Variants in DGKB observed in about 807,000 individuals in gnomAD.
The protein encoded by DGKB is diacylglycerol kinase beta.
Under a neutral mutation model 114.3 loss-of-function variants are expected in DGKB, and 67 were observed. That is an observed-to-expected ratio of 0.59 (90% CI 0.48 to 0.72). The LOEUF is 0.72. DGKB is among the 30% of genes least tolerant of loss of function. The pLI is 0.00. For synonymous variants in DGKB, 398 were observed against 323.1 expected (o/e 1.23, Z -2.49); for missense variants, 907 against 975.2 (o/e 0.93, Z 0.93).
At chr7:14,259,386 T>G (rs183211724) in intron 23 of DGKB, among the ~76,000 whole-genome samples, 1 of 72,610 alleles carries the variant, frequency 1.4e-5, no homozygotes, top group Non-Finnish European at 3.2e-5. Context: ...AGTTTCTCTC[T>G]CTCTCTCTCT....
At chr7:14,307,752 C>T (rs746995473) in intron 23 of DGKB, among the ~76,000 whole-genome samples, 4 of 152,168 alleles carry the variant, frequency 2.6e-5, no homozygotes, top group Non-Finnish European at 2.9e-5. Context: ...TCCCTGAACA[C>T]AGAATTATAT....
chr7:14,261,736 A>G (rs1333484987), intron 23 of DGKB, among the ~76,000 whole-genome samples: 1 of 152,208 alleles, frequency 6.6e-6, no homozygotes, highest in Non-Finnish European at 1.5e-5. Context: ...ACGTTTTAAC[A>G]GAGGTAAAAT....
chr7:14,951,884 T>C (rs919461840), intron 1 of DGKB, among the ~76,000 whole-genome samples: 1 of 151,948 alleles, frequency 6.6e-6, no homozygotes, highest in Non-Finnish European at 1.5e-5. Context: ...CTGAAAACCA[T>C]AAAACATTGT....
At chr7:14,668,615 T>C (rs1429373879) in intron 13 of DGKB, among the ~76,000 whole-genome samples, 1 of 152,092 alleles carries the variant, frequency 6.6e-6, no homozygotes, top group Non-Finnish European at 1.5e-5. Context: ...CTTATAACCA[T>C]ACCCCTTCAT....
chr7:14,232,617 T>C (rs1792083490), intron 23 of DGKB, among the ~76,000 whole-genome samples: 2 of 151,906 alleles, frequency 1.3e-5, no homozygotes, highest in East Asian at 1.9e-4. Flanking sequence ...ACCTAGCGTA[T>C]AGCATGCACT....
At position 14,698,188 on chromosome 7, in the gene DGKB, TA is replaced by T; in HGVS notation, c.517-20del. 7.0e-7 allele frequency: 1 copy of T among 1,434,358 alleles called. No homozygotes were observed. The highest frequency in any genetic ancestry group is 1.3e-5 in the South Asian group (1 of 75,766). The allele number at this position is 1,434,358 out of a possible 1,614,324, so 88.9% of individuals were successfully genotyped here. A position where few individuals can be genotyped will look rare whatever the true frequency, so the allele number is the denominator to read the frequency against. ...CTAGCTCCTGGAAGAGAAAGAGAGATAAAAAATATGAATACAAGATCTTAGT... is the reference window on the plus strand; with the variant it reads ...CTAGCTCCTGGAAGAGAAAGAGAGATAAAAATATGAATACAAGATCTTAGT... On this transcript the variant is annotated intron_variant, in intron 7 of 25. Coordinates refer to ENST00000402815, the MANE Select transcript of DGKB (RefSeq NM_001350709.2).
chr7:14,453,006 G>A (rs943937141), intron 21 of DGKB, among the ~76,000 whole-genome samples: 2 of 152,196 alleles, frequency 1.3e-5, no homozygotes, highest in African/African-American at 4.8e-5. Context: ...ACATTGTAAC[G>A]TGGTCCATGA....
At chr7:14,377,640 A>G (rs1347245436) in intron 21 of DGKB, among the ~76,000 whole-genome samples, 1 of 152,234 alleles carries the variant, frequency 6.6e-6, no homozygotes, top group Non-Finnish European at 1.5e-5. Flanking sequence ...AAAAGGTTGC[A>G]TATTGAAACA....
chr7:14,384,224 A>G (rs1583550849), intron 21 of DGKB, among the ~76,000 whole-genome samples: 1 of 152,250 alleles, frequency 6.6e-6, no homozygotes, highest in Non-Finnish European at 1.5e-5. Context: ...TTAAAAATAT[A>G]TCAAATAAAT....
At chr7:14,595,731 C>T (rs1272600869) in intron 17 of DGKB, among the ~76,000 whole-genome samples, 4 of 151,568 alleles carry the variant, frequency 2.6e-5, no homozygotes, top group Non-Finnish European at 4.4e-5. Flanking sequence ...CTGCTTAATG[C>T]TTCGTTTTTA....
intron 23 of DGKB, among the ~76,000 whole-genome samples, chr7:14,209,925 G>A (rs1409710160): frequency 6.6e-6 from 1 of 151,336 alleles, no homozygotes; most frequent in Non-Finnish European, 1.5e-5. Flanking sequence ...AGCATTCATT[G>A]AAAAGAATGA....
chr7:14,282,978 C>T (rs1490060840), intron 23 of DGKB, among the ~76,000 whole-genome samples: 1 of 151,950 alleles, frequency 6.6e-6, no homozygotes, highest in African/African-American at 2.4e-5. Context: ...TCTCTCACCA[C>T]TCCTATTCAA....
intron 21 of DGKB, among the ~76,000 whole-genome samples, chr7:14,367,247 G>T (rs1816829152): frequency 6.6e-6 from 1 of 152,008 alleles, no homozygotes; most frequent in Non-Finnish European, 1.5e-5. Context: ...GATATGGTTT[G>T]GCTGTGTCCT....
At chr7:14,398,613 TACA>T (rs1822603435) in intron 21 of DGKB, among the ~76,000 whole-genome samples, 1 of 151,974 alleles carries the variant, frequency 6.6e-6, no homozygotes, top group Non-Finnish European at 1.5e-5. Flanking sequence ...GCAAATCATC[TACA>T]GAAGTAAAAG....
intron 4 of DGKB, among the ~76,000 whole-genome samples, chr7:14,745,835 G>T (rs1833204077): frequency 6.6e-6 from 1 of 152,250 alleles, no homozygotes; most frequent in Admixed American, 6.5e-5. Flanking sequence ...CATGAGACAA[G>T]AACCTGGATT....
intron 23 of DGKB, among the ~76,000 whole-genome samples, chr7:14,304,760 T>C (rs1186550523): frequency 6.6e-6 from 1 of 152,164 alleles, no homozygotes; most frequent in Non-Finnish European, 1.5e-5. Flanking sequence ...ATTTCTCAGT[T>C]GTTCAGTGAA....
chr7:14,204,780 G>T (rs1226364196), intron 23 of DGKB, among the ~76,000 whole-genome samples: 2 of 152,004 alleles, frequency 1.3e-5, no homozygotes, highest in Non-Finnish European at 2.9e-5. Flanking sequence ...AGGGCCACGA[G>T]TATGGGAAGA....
At chr7:14,178,849 AT>A (rs1438233066) in intron 23 of DGKB, among the ~76,000 whole-genome samples, 2 of 152,050 alleles carry the variant, frequency 1.3e-5, no homozygotes, top group Non-Finnish European at 2.9e-5. Context: ...AAAGGGGCTA[AT>A]AGTTAAGAGT....
At chr7:14,324,127 A>T (rs1290018418) in intron 23 of DGKB, among the ~76,000 whole-genome samples, 1 of 152,190 alleles carries the variant, frequency 6.6e-6, no homozygotes, top group Admixed American at 6.6e-5. Flanking sequence ...TTTATGGGAA[A>T]AGAGCTATAC....
Sources: gnomAD v4.1 joint callset for allele counts (sites outside exome capture counted in the v4.1 genomes callset) on GRCh38, gnomAD v4.1.1 for gene constraint, MANE v1.5 for transcripts, NCBI Gene and HGNC (gene_info 2026-07-23, HGNC 2026-07-21) for gene names.